Variants in DAB1 observed in about 807,000 individuals in gnomAD.
The protein encoded by DAB1 is DAB adaptor protein 1, also known as disabled homolog 1.
In DAB1, 15 loss-of-function variants were observed where a neutral mutation model predicts 64.6. The ratio of observed to expected loss-of-function variants is 0.23; its 90% CI spans 0.16 to 0.36. DAB1 has a LOEUF of 0.36. Ranked by LOEUF, DAB1 falls within the 10% of genes least tolerant of loss-of-function variation. DAB1 has a pLI of 1.00. For missense variants in DAB1, 596 were observed against 706.7 expected, an observed-to-expected ratio of 0.84 and a Z score of 1.78; for synonymous variants, 235 against 251.9, an observed-to-expected ratio of 0.93 and a Z score of 0.64.
intron 5 of DAB1, among the ~76,000 whole-genome samples, chr1:57,899,384 C>T (rs1345517061): frequency 6.6e-6 from 1 of 152,024 alleles, no homozygotes; most frequent in Non-Finnish European, 1.5e-5. Flanking sequence ...ATGTGGAAGC[C>T]CTCAGAAAAT....
rs151311698 is a variant in DAB1 at position 57,782,531 on chromosome 1, A to C, written n.551+101468T>G. Among the ~76,000 whole-genome samples, 658 of 152,308 alleles carry C rather than the reference A, an allele frequency of 4.3e-3. 4 individuals are homozygous for C. The highest frequency in any genetic ancestry group is 0.015 in the African/African-American group (634 of 41,570). On this transcript the variant is annotated intron_variant and non_coding_transcript_variant, in intron 6 of 20. Coordinates refer to the DAB1 transcript ENST00000485760. ...TTCCCTAGATATTATGTTATCATCTATGCCAATATCATGCCATAACCCAAA... is the reference window on the plus strand; with the variant it reads ...TTCCCTAGATATTATGTTATCATCTCTGCCAATATCATGCCATAACCCAAA...
intron 2 of DAB1, among the ~76,000 whole-genome samples, chr1:57,156,996 A>C (rs1261450004): frequency 6.6e-6 from 1 of 152,228 alleles, no homozygotes; most frequent in Non-Finnish European, 1.5e-5. Context: ...TGCCTCTGTC[A>C]GGAGTCAGGA....
intron 3 of DAB1, among the ~76,000 whole-genome samples, chr1:58,355,872 A>T (rs191232854): frequency 6.6e-6 from 1 of 152,220 alleles, no homozygotes; most frequent in African/African-American, 2.4e-5. Flanking sequence ...TTAGATAGGC[A>T]TGGGTCTGAT....
chr1:57,198,332 G>C (rs1391535523), intron 2 of DAB1, among the ~76,000 whole-genome samples: 1 of 152,020 alleles, frequency 6.6e-6, no homozygotes, highest in Non-Finnish European at 1.5e-5. Flanking sequence ...AGTGTAGCAG[G>C]GAAGAGAAAC....
intron 4 of DAB1, among the ~76,000 whole-genome samples, chr1:58,178,410 G>A (rs567841406): frequency 2.0e-5 from 3 of 152,210 alleles, no homozygotes; most frequent in Non-Finnish European, 4.4e-5. Context: ...TAATATCTCT[G>A]AACGTGACCT....
At chr1:57,465,002 A>G (rs910256288) in intron 7 of DAB1, among the ~76,000 whole-genome samples, 6 of 152,192 alleles carry the variant, frequency 3.9e-5, no homozygotes, top group African/African-American at 1.4e-4. Context: ...ACAAAGCTCA[A>G]GAAAAGAAGT....
At chr1:58,511,668 G>T (rs1646079630) in intron 2 of DAB1, among the ~76,000 whole-genome samples, 1 of 151,848 alleles carries the variant, frequency 6.6e-6, no homozygotes. Context: ...CCACAATGAG[G>T]AAAGAGCAGT....
chr1:58,198,504 C>T (rs1484278118), intron 4 of DAB1, among the ~76,000 whole-genome samples: 5 of 152,126 alleles, frequency 3.3e-5, no homozygotes, highest in Non-Finnish European at 7.4e-5. Context: ...GACTTGGGCT[C>T]ACAAAAAAGG....
chr1:57,763,822 CT>C (rs1649190778), intron 6 of DAB1, among the ~76,000 whole-genome samples: 1 of 152,148 alleles, frequency 6.6e-6, no homozygotes, highest in Non-Finnish European at 1.5e-5. Flanking sequence ...GGTTTTCATT[CT>C]TGATAGTGTG....
intron 1 of DAB1, among the ~76,000 whole-genome samples, chr1:57,874,650 G>T (rs180729355): frequency 6.6e-6 from 1 of 152,236 alleles, no homozygotes; most frequent in East Asian, 1.9e-4. Context: ...GTCAAGTTCA[G>T]GGGAGCATGA....
At chr1:57,679,786 A>G (rs147079547) in intron 6 of DAB1, among the ~76,000 whole-genome samples, 26 of 152,342 alleles carry the variant, frequency 1.7e-4, no homozygotes, top group African/African-American at 6.3e-4. Context: ...GAGTTTCTGG[A>G]TTAAACTGAA....
chr1:58,470,319 G>A (rs1031839567), intron 3 of DAB1, among the ~76,000 whole-genome samples: 13 of 152,008 alleles, frequency 8.6e-5, no homozygotes, highest in African/African-American at 2.2e-4. Context: ...GATTACAGGT[G>A]TGCAGCACCG....
At chr1:57,025,085 C>T (rs774191511) in intron 10 of DAB1, among the ~76,000 whole-genome samples, 4 of 152,222 alleles carry the variant, frequency 2.6e-5, no homozygotes, top group Admixed American at 6.5e-5. Flanking sequence ...TGCACAACTG[C>T]GCAGTGCCCA....
At chr1:57,953,700 G>A (rs1174312225) in intron 5 of DAB1, among the ~76,000 whole-genome samples, 1 of 152,124 alleles carries the variant, frequency 6.6e-6, no homozygotes, top group African/African-American at 2.4e-5. Context: ...TGAATTCTGA[G>A]TTCTAGTTGG....
chr1:57,134,970 T>C (rs1657958397), intron 4 of DAB1, among the ~76,000 whole-genome samples: 1 of 152,200 alleles, frequency 6.6e-6, no homozygotes, highest in African/African-American at 2.4e-5. Context: ...GTAGCTATTG[T>C]TAGTATCACC....
At chr1:57,001,331 G>T (rs1034680234) in intron 14 of DAB1, among the ~76,000 whole-genome samples, 1 of 152,040 alleles carries the variant, frequency 6.6e-6, no homozygotes, top group Non-Finnish European at 1.5e-5. Flanking sequence ...ATTTGTCCAC[G>T]TCTCTGCCCT....
rs78254531 is a variant in DAB1, at chr1:57,445,396, T to A, written n.626-154230A>T. Among the ~76,000 whole-genome samples, 348 of 152,254 alleles carry A rather than the reference T, an allele frequency of 2.3e-3. 3 individuals carry two copies. Among genetic ancestry groups the A allele is most frequent in the African/African-American group, 8.1e-3 (337 of 41,568 alleles). On this transcript the variant is annotated intron_variant and non_coding_transcript_variant, in intron 7 of 20. Transcript: ENST00000485760. Reference sequence around the variant, plus strand: ...ACACAGCAAGCTCAGGCTGAGGAAATTGTATTTACTTATATAGTTCCCATA... The same window carrying A: ...ACACAGCAAGCTCAGGCTGAGGAAAATGTATTTACTTATATAGTTCCCATA...
chr1:58,049,125 C>G (rs1647451009), intron 5 of DAB1: 6 of 809,030 alleles, frequency 7.4e-6, no homozygotes, highest in Middle Eastern at 6.9e-4. Flanking sequence ...AAACCCAAAG[C>G]CCCCGGAGCA....
At chr1:57,341,090 C>T (rs1426012377) in intron 1 of DAB1, among the ~76,000 whole-genome samples, 1 of 152,170 alleles carries the variant, frequency 6.6e-6, no homozygotes, top group African/African-American at 2.4e-5. Context: ...TCCCATTTTA[C>T]AGACGAGGAC....
Sources: allele counts gnomAD v4.1 joint callset (sites outside exome capture counted in the v4.1 genomes callset), GRCh38; gene constraint gnomAD v4.1.1; transcripts MANE v1.5; gene names NCBI Gene and HGNC (gene_info 2026-07-23, HGNC 2026-07-21).